The following PLOD3 variants were observed in gnomAD, a reference collection of about 807,000 sequenced individuals.
The protein encoded by PLOD3 is multifunctional procollagen lysine hydroxylase and glycosyltransferase LH3.
PLOD3 carries 73 observed loss-of-function variants against 96.9 expected under a neutral mutation model. The ratio of observed to expected loss-of-function variants is 0.75; its 90% CI spans 0.62 to 0.92. PLOD3 has a LOEUF of 0.92. Ranked by LOEUF, PLOD3 falls within the 40% of genes least tolerant of loss-of-function variation. PLOD3 has a pLI of 0.00. For synonymous variants in PLOD3, 454 were observed against 413.7 expected, an observed-to-expected ratio of 1.10 and a Z score of -1.18; for missense variants, 1,004 against 1,004.3, an observed-to-expected ratio of 1.00 and a Z score of 0.00.
At chr7:101,216,615 AC>A in intron 2 of PLOD3, 69 bp from the exon 3 acceptor site, 4 of 1,609,906 alleles carry the variant, frequency 2.5e-6, no homozygotes, top group Non-Finnish European at 3.4e-6. Context: ...GACCAGGCTT[AC>A]CGTGGGGACC....
chr7:101,206,105 G>A lies in PLOD3; in HGVS notation c.*176C>T, dbSNP rs1421779751. The A allele has an allele frequency of 4.1e-6, 3 of 736,408 alleles. No individual in the cohort carries two copies. Among genetic ancestry groups the A allele is most frequent in the Non-Finnish European group, 7.2e-6 (3 of 419,018 alleles). 45.6% of individuals were successfully genotyped at this position (736,408 alleles called of 1,614,324 possible). A position where few individuals can be genotyped will look rare whatever the true frequency, so the allele number is the denominator to read the frequency against. On this transcript the variant is annotated 3_prime_UTR_variant, in exon 19 of 19. Transcript: ENST00000223127. ...GCGGAGGAGAGAGGCGGGGACTCCG[G>A]GAGCTTCCTGAGAGGGCCGTGTCTT... is the stretch of plus-strand genomic sequence containing the variant.
At position 101,211,704 on chromosome 7, in the gene PLOD3, G is replaced by T. The variant is rs199707124; in HGVS notation, c.1245C>A (p.Ala415=). The T allele has an allele frequency of 6.2e-5, 100 of 1,605,618 alleles. No individual in the cohort carries two copies. In the Admixed American group the frequency reaches 1.6e-3, roughly 26 times the overall value. Reference sequence around the variant, plus strand: ...GCTTGCCGTGGCGGGACAGCATGGGGGCGATCACCTTCCTGCGGACAGGTG... The same window carrying T: ...GCTTGCCGTGGCGGGACAGCATGGGTGCGATCACCTTCCTGCGGACAGGTG... The part of the protein sequence containing the change: ...ILIEENRKVI[A]PMLSRHGKLW... The change falls in exon 12 of 19, where the codon GCC becomes GCA. Residue 415 remains alanine, a synonymous_variant. Transcript: ENST00000223127.
Position 101,213,140 on chromosome 7 carries a change from G to T in PLOD3, c.744C>A (p.Leu248=), listed in dbSNP as rs1328141342. ...VRIRNVAYDT[L]PIVVHGNGPT... ...GACCGTTTCCATGGACCACAATGGGGAGCGTGTCGTAGGCCACGTTCCGGA... is the reference window on the plus strand; with the variant it reads ...GACCGTTTCCATGGACCACAATGGGTAGCGTGTCGTAGGCCACGTTCCGGA... The change falls in exon 7 of 19, where the codon CTC becomes CTA. Residue 248 remains leucine, a synonymous_variant. Transcript: ENST00000223127. 1 of 1,613,496 alleles carries T rather than the reference G, an allele frequency of 6.2e-7. No homozygotes were observed. Among genetic ancestry groups the T allele is most frequent in the South Asian group, 1.1e-5 (1 of 91,070 alleles).
In PLOD3 at chr7:101,217,233, C is replaced by G; in HGVS notation, c.42G>C (p.Leu14=). Residue 14 remains leucine, a synonymous_variant, in exon 1 of 19, where the codon CTG becomes CTC. Coordinates refer to ENST00000223127, the MANE Select transcript of PLOD3 (RefSeq NM_001084.5). ...AGGCCGCAGGGGGCAGCAGCAGCGG[C>G]AGCAGCAGCAGGAACCGGGGTCCAG... ...SGPGPRFLLL[L]PLLLPPAASA... The G allele has an allele frequency of 6.7e-7, 1 of 1,487,358 alleles. No individual in the cohort carries two copies. The highest frequency in any genetic ancestry group is 8.9e-7 in the Non-Finnish European group (1 of 1,119,120). 92.1% of individuals were successfully genotyped at this position (1,487,358 alleles called of 1,614,324 possible). A position where few individuals can be genotyped will look rare whatever the true frequency, so the allele number is the denominator to read the frequency against.
chr7:101,206,523 G>T (rs4729670), intron 18 of PLOD3, 87 bp from the exon 19 acceptor site: 8 of 1,271,538 alleles, frequency 6.3e-6, no homozygotes, highest in Non-Finnish European at 8.9e-6. Context: ...CGGCCAGACC[G>T]GGGGGCACGG....
chr7:101,211,520 G>C (rs879053204), intron 12 of PLOD3, 71 bp downstream of exon 12: 2 of 1,502,750 alleles, frequency 1.3e-6, no homozygotes, highest in Admixed American at 2.0e-5. Context: ...AAACCCCTGA[G>C]AGTAGGGGGC....
chr7:101,212,476 T>C, intron 9 of PLOD3, 54 bp downstream of exon 9: 1 of 1,602,006 alleles, frequency 6.2e-7, no homozygotes. Context: ...ACGAGAGTTC[T>C]GATCAGGGCA....
At position 101,216,740 on chromosome 7, in the gene PLOD3, G is replaced by C; in HGVS notation, c.156C>G (p.Tyr52Ter). ...ITVATAETEG[Y>*]LRFLRSAEFF... is the part of the protein sequence containing the mutation. Reference sequence around the variant, plus strand: ...ACTCCGCAGAGCGCAGGAAACGCAGGTACCCCTCGGTTTCAGCTGTGGCCA... The same window carrying C: ...ACTCCGCAGAGCGCAGGAAACGCAGCTACCCCTCGGTTTCAGCTGTGGCCA... Residue 52 changes from tyrosine to a stop codon, truncating the protein, a stop_gained, in exon 2 of 19, where the codon TAC becomes TAG. Coordinates refer to ENST00000223127, the MANE Select transcript of PLOD3 (RefSeq NM_001084.5). LOFTEE classifies it high-confidence loss of function. 1 of 1,614,012 alleles carries C rather than the reference G, an allele frequency of 6.2e-7. No homozygotes were observed. Among genetic ancestry groups the C allele is most frequent in the Non-Finnish European group, 8.5e-7 (1 of 1,179,922 alleles).
In PLOD3 at chr7:101,206,431, A is replaced by C. The variant is rs748427881; in HGVS notation, c.2067T>G (p.Gly689=). Residue 689 remains glycine (G), a synonymous_variant, in exon 19 of 19, where the codon GGT becomes GGG. Transcript: ENST00000223127. ...AGTCGTAGCGCAGGAAGCGGCAGCC[A>C]CCTCCCTGGAAAGAGAAGGGAAAGG... is the stretch of plus-strand genomic sequence containing the variant. The part of the protein sequence containing the change: ...LNHKGLDYEG[G]GCRFLRYDCV... 6.2e-7 allele frequency: 1 copy of C among 1,600,992 alleles called. No homozygotes were observed. The highest frequency in any genetic ancestry group is 8.5e-7 in the Non-Finnish European group (1 of 1,174,296).
intron 5 of PLOD3, among the ~76,000 whole-genome samples, chr7:101,215,671 T>C (rs887487987): frequency 3.3e-5 from 5 of 151,850 alleles, no homozygotes; most frequent in Non-Finnish European, 5.9e-5. Flanking sequence ...ATTTTTTCTT[T>C]CTTTTTTTTT....
In PLOD3 at chr7:101,217,242, C is replaced by A. The variant is rs899261103; in HGVS notation, c.33G>T (p.Leu11=). 1.3e-6 allele frequency: 2 copies of A among 1,497,288 alleles called. No individual in the cohort carries two copies. Among genetic ancestry groups the A allele is most frequent in the Non-Finnish European group, 1.8e-6 (2 of 1,125,110 alleles). The allele number at this position is 1,497,288 out of a possible 1,614,324, so 92.8% of individuals were successfully genotyped here. A position where few individuals can be genotyped will look rare whatever the true frequency, so the allele number is the denominator to read the frequency against. The change falls in exon 1 of 19, where the codon CTG becomes CTT. Residue 11 remains leucine (L), a synonymous_variant. Coordinates refer to ENST00000223127, the MANE Select transcript of PLOD3 (RefSeq NM_001084.5). MTSSGPGPRF[L]LLLPLLLPPA... ...GGGGCAGCAGCAGCGGCAGCAGCAG[C>A]AGGAACCGGGGTCCAGGCCCCGAGG... is the stretch of plus-strand genomic sequence containing the variant.
At chr7:101,214,397 T>C (rs765369010) in intron 6 of PLOD3, among the ~76,000 whole-genome samples, 2 of 152,006 alleles carry the variant, frequency 1.3e-5, no homozygotes, top group Non-Finnish European at 2.9e-5. Context: ...TCCCAAAATG[T>C]TGGGATTACA....
intron 15 of PLOD3, among the ~76,000 whole-genome samples, chr7:101,209,442 A>G (rs1798145304): frequency 6.6e-6 from 1 of 151,012 alleles, no homozygotes; most frequent in South Asian, 2.1e-4. Flanking sequence ...CAGTGGCGTG[A>G]TCTTGGCTCA....
rs1003250709 is a variant in PLOD3 at position 101,216,942 on chromosome 7, G to T, written c.110-156C>A. 4 of 744,934 alleles carry T rather than the reference G, an allele frequency of 5.4e-6. No individual in the cohort carries two copies. The Admixed American group carries it at 8.3e-5, about 16-fold the overall frequency. The allele number at this position is 744,934 out of a possible 1,614,324, so 46.1% of individuals were successfully genotyped here. A position where few individuals can be genotyped will look rare whatever the true frequency, so the allele number is the denominator to read the frequency against. Reference sequence around the variant, plus strand: ...ACACTCTGACCCCAAGGAGGGCAGGGTGGGAGTGGTGCCCAGGAATTCCGA... The same window carrying T: ...ACACTCTGACCCCAAGGAGGGCAGGTTGGGAGTGGTGCCCAGGAATTCCGA... On this transcript the variant is annotated intron_variant, in intron 1 of 18. Coordinates refer to ENST00000223127, the MANE Select transcript of PLOD3 (RefSeq NM_001084.5).
chr7:101,212,151 G>A, intron 10 of PLOD3, 102 bp downstream of exon 10: 1 of 1,475,348 alleles, frequency 6.8e-7, no homozygotes, highest in Non-Finnish European at 9.4e-7. Flanking sequence ...CCCAGGAGGG[G>A]CTGGATGGGT....
rs143194730 is a variant in PLOD3 at position 101,212,574 on chromosome 7, G to A, written c.961C>T (p.Leu321=). ...LPRFLQRLLL[L]DYPPDRVTLF... is the part of the protein sequence containing the mutation. ...GTGACCCTGTCGGGGGGATAGTCCA[G>A]GAGTAGCAGCCGCTGCAGGAAGCGG... Residue 321 remains leucine, a synonymous_variant, in exon 9 of 19, where the codon CTG becomes TTG. Transcript: ENST00000223127. 3.8e-4 allele frequency: 607 copies of A among 1,613,930 alleles called. 1 individual carries two copies. The highest frequency in any genetic ancestry group is 2.2e-3 in the Admixed American group (130 of 60,004).
chr7:101,209,115 G>A (rs764772380), intron 15 of PLOD3, among the ~76,000 whole-genome samples, 158 bp from the exon 16 acceptor site: 5 of 152,320 alleles, frequency 3.3e-5, no homozygotes, highest in Non-Finnish European at 5.9e-5. Context: ...TGGCAAGGCT[G>A]AGGACCGGTT....
Position 101,217,192 on chromosome 7 carries a change from G to A in PLOD3, c.83C>T (p.Pro28Leu). 1.3e-6 allele frequency: 2 copies of A among 1,494,980 alleles called. No individual in the cohort carries two copies. Among genetic ancestry groups the A allele is most frequent in the Non-Finnish European group, 1.8e-6 (2 of 1,123,136 alleles). 92.6% of individuals were successfully genotyped at this position (1,494,980 alleles called of 1,614,324 possible). ...LPPAASASDR[P>L]RGRDPVNPEK... ...TGGGTTGACCGGGTCTCGGCCCCGGGGCCGGTCGGAGGCTGAGGCCGCAGG... is the reference window on the plus strand; with the variant it reads ...TGGGTTGACCGGGTCTCGGCCCCGGAGCCGGTCGGAGGCTGAGGCCGCAGG... Residue 28 changes from proline (P) to leucine (L), a missense_variant, in exon 1 of 19, where the codon CCC (proline) becomes CTC (leucine). Physicochemically the swap from Pro to Leu is moderately conservative, Grantham distance 98. Transcript: ENST00000223127.
intron 15 of PLOD3, among the ~76,000 whole-genome samples, chr7:101,209,295 C>G (rs913078650): frequency 2.0e-5 from 3 of 151,854 alleles, no homozygotes; most frequent in African/African-American, 4.8e-5. Context: ...CAGCCTCGAC[C>G]TTCTGGGCTC....
Sources: gnomAD v4.1 joint callset for allele counts (sites outside exome capture counted in the v4.1 genomes callset) on GRCh38, gnomAD v4.1.1 for gene constraint, MANE v1.5 for transcripts, NCBI Gene and HGNC (gene_info 2026-07-23, HGNC 2026-07-21) for gene names.